HSPG2: variants seen among roughly 807,000 people sequenced by gnomAD.
The protein encoded by HSPG2 is basement membrane-specific heparan sulfate proteoglycan core protein.
A neutral mutation model predicts 526.6 loss-of-function variants in HSPG2; 278 were observed. That is an observed-to-expected ratio of 0.53 (90% CI 0.48 to 0.58). The LOEUF (loss-of-function observed/expected upper bound fraction) is 0.58. Ranked by LOEUF, HSPG2 falls within the 20% of genes least tolerant of loss-of-function variation. The pLI, the probability that HSPG2 is intolerant of heterozygous loss-of-function variation, is 0.00. For missense variants in HSPG2, 5,354 were observed against 6,099.5 expected (o/e 0.88, Z 4.07); for synonymous variants, 2,465 against 2,555.4 (o/e 0.96, Z 1.07).
At chr1:21,823,743 C>T in intron 95 of HSPG2, 24 bp from the exon 96 acceptor site, 1 of 1,595,790 alleles carries the variant, frequency 6.3e-7, no homozygotes, top group Non-Finnish European at 8.6e-7. Flanking sequence ...GGGTCAGGCC[C>T]CTTTCCACAA....
intron 50 of HSPG2, among the ~76,000 whole-genome samples, chr1:21,853,290 A>G (rs550888072): frequency 6.6e-6 from 1 of 152,194 alleles, no homozygotes; most frequent in Admixed American, 6.5e-5. Context: ...TGACCCACCC[A>G]TGACTTCTTG....
intron 29 of HSPG2, among the ~76,000 whole-genome samples, chr1:21,873,677 C>A (rs2152745942): frequency 6.6e-6 from 1 of 152,278 alleles, no homozygotes; most frequent in East Asian, 1.9e-4. Flanking sequence ...AGACTCTGGC[C>A]TGGCTGGGGC....
intron 17 of HSPG2, 51 bp downstream of exon 17, chr1:21,880,056 C>T: frequency 2.5e-6 from 4 of 1,602,726 alleles, no homozygotes; most frequent in Non-Finnish European, 3.4e-6. Context: ...GAATCTCACA[C>T]ATTGTCCCTT....
rs144337807 is a variant in HSPG2 at position 21,881,850 on chromosome 1, G to A, written c.1655-348C>T. The stretch of plus-strand genomic sequence containing the variant: ...CCCAGCTACTCAGGAGGCTGAGACA[G>A]CAGAATCACTTGAACCCGGGAGGCG... On this transcript the variant is annotated intron_variant, in intron 13 of 96. Coordinates refer to ENST00000374695, the MANE Select transcript of HSPG2 (RefSeq NM_005529.7). Among the ~76,000 whole-genome samples the A allele has an allele frequency of 2.9e-3, 430 of 148,092 alleles. 1 individual carries two copies. The highest frequency in any genetic ancestry group is 0.01 in the African/African-American group (404 of 39,970).
chr1:21,833,819 G>C lies in HSPG2; in HGVS notation c.10827C>G (p.Ser3609Arg). 6.3e-7 allele frequency: 1 copy of C among 1,590,508 alleles called. No homozygotes were observed. Among genetic ancestry groups the C allele is most frequent in the Non-Finnish European group, 8.6e-7 (1 of 1,167,142 alleles). The part of the protein sequence containing the change: ...SGYPTPDISW[S>R]KLDGSLPPDS... ...TGGTTCCCTCTCCAGCACTTACCTT[G>C]CTCCAGCTGATGTCAGGAGTGGGGT... The change falls in exon 78 of 97, where the codon AGC becomes AGG. Residue 3609 changes from serine (S) to arginine (R), a missense_variant. Physicochemically the swap from Ser to Arg is moderately radical, Grantham distance 110. Transcript: ENST00000374695.
rs2152723264 is a variant in HSPG2, at chr1:21,854,246, G to A, written c.6386C>T (p.Ser2129Phe). Residue 2129 changes from serine to phenylalanine, a missense_variant, in exon 50 of 97, where the codon TCC (serine) becomes TTC (phenylalanine). Ser to Phe is a radical substitution (Grantham distance 155, BLOSUM62 -2). Transcript: ENST00000374695. ...VENGSGPKEA[S>F]ITVSVLHGTH... ...GCCGTGGAGCACAGACACAGTAATG[G>A]AGGCCTCCTTGGGGCCCGATCCATT... 6.3e-7 allele frequency: 1 copy of A among 1,595,698 alleles called. No individual in the cohort carries two copies. Among genetic ancestry groups the A allele is most frequent in the South Asian group, 1.1e-5 (1 of 87,912 alleles).
In HSPG2 at chr1:21,848,909, G is replaced by T; in HGVS notation, c.7569C>A (p.Arg2523=). Residue 2523 remains arginine, a synonymous_variant, in exon 58 of 97, where the codon CGC becomes CGA. Coordinates refer to ENST00000374695, the MANE Select transcript of HSPG2 (RefSeq NM_005529.7). The surrounding 1 kb of genome is among the most constrained non-coding windows in gnomAD (Gnocchi z 4.9). ...GACACTCACAGTGGGAGCCACTAAG[G>T]CGCTGCTGGATGGTGACAAGGACTG... ...EASVLVTIQQ[R]LSGSHSQGVA... is the part of the protein sequence containing the mutation. 6.2e-7 allele frequency: 1 copy of T among 1,613,852 alleles called. No homozygotes were observed.
In HSPG2 at chr1:21,851,809, C is replaced by T. The variant is rs747278781; in HGVS notation, c.6988G>A (p.Gly2330Arg). 5.0e-6 allele frequency: 8 copies of T among 1,613,872 alleles called. No individual in the cohort carries two copies. In the Admixed American group the frequency reaches 6.7e-5, roughly 13 times the overall value. The change falls in exon 54 of 97, where the codon GGG (glycine) becomes AGG (arginine). Residue 2330 changes from glycine (G) to arginine (R), a missense_variant. Transcript: ENST00000374695. ...CACTCACGGTAGGCTAAGTTGGCCC[C>T]CTGGGTCCCAGTTACTGTGACCGTG... ...SITVTVTGTQ[G>R]ANLAYPAGST...
At chr1:21,928,188 C>T (rs1423896907) in intron 1 of HSPG2, among the ~76,000 whole-genome samples, 1 of 152,182 alleles carries the variant, frequency 6.6e-6, no homozygotes, top group Non-Finnish European at 1.5e-5. Context: ...CCTTTTGAGC[C>T]CACATCTTTC....
chr1:21,851,170 A>C (rs563565337), intron 55 of HSPG2: 1 of 272,598 alleles, frequency 3.7e-6, no homozygotes, highest in Admixed American at 5.0e-5. Flanking sequence ...ATGGGGTTTC[A>C]CCATACTGGC....
rs1305891008 is a variant in HSPG2, at chr1:21,828,801, C to T, written c.12237+34G>A. On this transcript the variant is annotated intron_variant, in intron 88 of 96. Transcript: ENST00000374695. The surrounding 1 kb of genome is among the most constrained non-coding windows in gnomAD (Gnocchi z 6.0). ...GGGGGACACAAGGCTTGGCACCCCT[C>T]CCCTCCCGCTTGTCCCGAGGAGGCT... 17 of 1,546,340 alleles carry T rather than the reference C, an allele frequency of 1.1e-5. No homozygotes were observed. In the South Asian group the frequency reaches 2.0e-4, roughly 19 times the overall value.
intron 1 of HSPG2, among the ~76,000 whole-genome samples, chr1:21,899,903 T>C (rs941778081): frequency 3.3e-4 from 50 of 152,112 alleles, no homozygotes; most frequent in African/African-American, 1.2e-3. Context: ...CAGAGAGCAA[T>C]ACCAGGGAGC....
At position 21,851,862 on chromosome 1, in the gene HSPG2, C is replaced by T. The variant is rs151178822; in HGVS notation, c.6935G>A (p.Arg2312Gln). Residue 2312 changes from arginine (R) to glutamine (Q), a missense_variant, in exon 54 of 97, where the codon CGG (arginine) becomes CAG (glutamine). Arg to Gln is a conservative substitution (Grantham distance 43). Coordinates refer to ENST00000374695, the MANE Select transcript of HSPG2 (RefSeq NM_005529.7). ...GGAGGCCTCCATGCCGTTGCTGGCC[C>T]GGCAGACGTACTGTCCCGCATCGGC... ...SPADAGQYVC[R>Q]ASNGMEASIT... The T allele has an allele frequency of 4.8e-5, 78 of 1,613,190 alleles. No homozygotes were observed. The African/African-American group carries it at 8.7e-4, about 18-fold the overall frequency.
chr1:21,839,827 G>A lies in HSPG2; in HGVS notation c.9704C>T (p.Ala3235Val), dbSNP rs150324366. 1 of 1,613,286 alleles carries A rather than the reference G, an allele frequency of 6.2e-7. No individual in the cohort carries two copies. Among genetic ancestry groups the A allele is most frequent in the African/African-American group, 1.3e-5 (1 of 74,906 alleles). ...AGHTATLRCS[A>V]TGSPAPTIHW... Reference sequence around the variant, plus strand: ...GTGCCAGCCCTTGGTCACACCTGTGGCTGAGCAGCGCAAGGTGGCCGTGTG... The same window carrying A: ...GTGCCAGCCCTTGGTCACACCTGTGACTGAGCAGCGCAAGGTGGCCGTGTG... The change falls in exon 72 of 97, where the codon GCC becomes GTC. Residue 3235 changes from alanine (A) to valine (V), a missense_variant. Ala to Val is a moderately conservative substitution (Grantham distance 64, BLOSUM62 0). Transcript: ENST00000374695. The surrounding 1 kb of genome is among the most constrained non-coding windows in gnomAD (Gnocchi z 4.5).
intron 1 of HSPG2, among the ~76,000 whole-genome samples, chr1:21,913,872 G>A (rs1056761466): frequency 2.0e-5 from 3 of 152,226 alleles, no homozygotes; most frequent in African/African-American, 4.8e-5. Flanking sequence ...TAACCCAGCC[G>A]GAGGCATGGC....
In HSPG2 at chr1:21,873,094, G is replaced by T. The variant is rs141000672; in HGVS notation, c.3794-3C>A. 4.9e-4 allele frequency: 786 copies of T among 1,599,216 alleles called. 9 individuals carry two copies. The East Asian group carries it at 0.014, about 27-fold the overall frequency. On this transcript the variant is annotated splice_polypyrimidine_tract_variant and splice_region_variant and intron_variant, in intron 30 of 96. Coordinates refer to ENST00000374695, the MANE Select transcript of HSPG2 (RefSeq NM_005529.7). ...GGGCCCTGGCACCTGGCTGTCTCCT[G>T]AGGTGGAAGAAAGCCATGGCTGGAG...
chr1:21,854,248 G>A lies in HSPG2; in HGVS notation c.6384C>T (p.Ala2128=), dbSNP rs954821239. The change falls in exon 50 of 97, where the codon GCC becomes GCT. Residue 2128 remains alanine (A), a synonymous_variant. Transcript: ENST00000374695. ...RVENGSGPKE[A]SITVSVLHGT... is the part of the protein sequence containing the mutation. ...CGTGGAGCACAGACACAGTAATGGA[G>A]GCCTCCTTGGGGCCCGATCCATTCT... The A allele has an allele frequency of 3.8e-6, 6 of 1,593,288 alleles. No homozygotes were observed. The highest frequency in any genetic ancestry group is 5.1e-6 in the Non-Finnish European group (6 of 1,169,610).
chr1:21,829,736 C>T, intron 86 of HSPG2, 132 bp from the exon 87 acceptor site: 1 of 816,618 alleles, frequency 1.2e-6, no homozygotes. Flanking sequence ...CAGTTGGCAC[C>T]AGCTGCAGTG....
At chr1:21,885,478 A>G (rs1572360317) in intron 9 of HSPG2, 27 bp from the exon 10 acceptor site, 6 of 1,613,384 alleles carry the variant, frequency 3.7e-6, no homozygotes, top group Non-Finnish European at 5.1e-6. Context: ...GTGGTTCCCA[A>G]TAGCCCACCC....
Sources: allele counts gnomAD v4.1 joint callset (sites outside exome capture counted in the v4.1 genomes callset), GRCh38; gene constraint gnomAD v4.1.1; non-coding constraint Gnocchi (gnomAD v3.1); transcripts MANE v1.5; gene names NCBI Gene and HGNC (gene_info 2026-07-23, HGNC 2026-07-21).